NDUFS6: variants seen among roughly 807,000 people sequenced by gnomAD.
The protein encoded by NDUFS6 is NADH:ubiquinone oxidoreductase subunit S6, also known as NADH dehydrogenase [ubiquinone] iron-sulfur protein 6, mitochondrial.
NDUFS6 carries 14 observed loss-of-function variants against 13.2 expected under a neutral mutation model. The ratio of observed to expected loss-of-function variants is 1.06; its 90% CI spans 0.70 to 1.66. The LOEUF is 1.66. Ranked by LOEUF, NDUFS6 falls within the 40% of genes most tolerant of loss-of-function variation. NDUFS6 has a pLI of 0.00. For synonymous variants in NDUFS6, 95 were observed against 72.3 expected (o/e 1.31, Z -1.60); for missense variants, 206 against 170.8 (o/e 1.21, Z -1.15).
At position 1,802,361 on chromosome 5, in the gene NDUFS6, G is replaced by A. The variant is rs1484187127; in HGVS notation, c.173G>A (p.Gly58Asp). 3 of 1,614,028 alleles carry A rather than the reference G, an allele frequency of 1.9e-6. No homozygotes were observed. Among genetic ancestry groups the A allele is most frequent in the Non-Finnish European group, 2.5e-6 (3 of 1,179,956 alleles). Residue 58 changes from glycine to aspartate, a missense_variant, in exon 2 of 4, where the codon GGT becomes GAT. By Grantham distance (94) the Gly-to-Asp change is moderately conservative (BLOSUM62 -1). Transcript: ENST00000274137. ...DKDYRRIRFV[G>D]RQKEVNENFA... The stretch of plus-strand genomic sequence containing the variant: ...GACTACAGGAGAATTCGGTTTGTAG[G>A]TCGTCAGAAAGAGGTGAGTAAAAAA...
intron 2 of NDUFS6, among the ~76,000 whole-genome samples, chr5:1,804,018 C>T (rs190053919): frequency 3.3e-5 from 5 of 151,860 alleles, no homozygotes; most frequent in South Asian, 2.1e-4. Context: ...GGGGAGGGTT[C>T]GCAGGCCCTT....
At chr5:1,813,770 C>T (rs1734258702) in intron 2 of NDUFS6, among the ~76,000 whole-genome samples, 1 of 152,176 alleles carries the variant, frequency 6.6e-6, no homozygotes, top group Non-Finnish European at 1.5e-5. Context: ...AGAGAAAACA[C>T]TTAGGAACAA....
At chr5:1,811,164 A>G (rs147752293) in intron 2 of NDUFS6, among the ~76,000 whole-genome samples, 74 of 152,370 alleles carry the variant, frequency 4.9e-4, no homozygotes, top group African/African-American at 1.5e-3. Context: ...AACATGCAAA[A>G]TATATGTTAA....
At chr5:1,801,823 G>A (rs983692829) in intron 1 of NDUFS6, among the ~76,000 whole-genome samples, 2 of 152,254 alleles carry the variant, frequency 1.3e-5, no homozygotes, top group Non-Finnish European at 2.9e-5. Flanking sequence ...GCTGCCCATA[G>A]GCGATTTGTG....
intron 2 of NDUFS6, among the ~76,000 whole-genome samples, chr5:1,804,904 T>A (rs115367112): frequency 0.013 from 1,959 of 152,308 alleles, 38 homozygotes; most frequent in African/African-American, 0.043. Context: ...TGACATGTAT[T>A]CACTGTGACA....
At chr5:1,801,689 G>T in intron 1 of NDUFS6, 140 bp downstream of exon 1, 1 of 1,320,882 alleles carries the variant, frequency 7.6e-7, no homozygotes, top group Non-Finnish European at 1.0e-6. Flanking sequence ...TCGCTCACGC[G>T]CCGGGGAGGA....
chr5:1,808,581 T>C (rs1734163680), intron 2 of NDUFS6, among the ~76,000 whole-genome samples: 1 of 152,238 alleles, frequency 6.6e-6, no homozygotes, highest in Non-Finnish European at 1.5e-5. Flanking sequence ...TCCTCCCTCA[T>C]GCAGCTCCCC....
In NDUFS6 at chr5:1,815,982, G is replaced by A; in HGVS notation, c.*66G>A. ...ATTTCCGCGGGGAAGCTGAGCACGTGAAGCTCGCTGGTTCTGTGCGAAGGG... is the reference window on the plus strand; with the variant it reads ...ATTTCCGCGGGGAAGCTGAGCACGTAAAGCTCGCTGGTTCTGTGCGAAGGG... On this transcript the variant is annotated 3_prime_UTR_variant, in exon 4 of 4. Coordinates refer to ENST00000274137, the MANE Select transcript of NDUFS6 (RefSeq NM_004553.6). 1 of 1,535,308 alleles carries A rather than the reference G, an allele frequency of 6.5e-7. No homozygotes were observed.
chr5:1,813,951 T>G (rs1281400590), intron 2 of NDUFS6, among the ~76,000 whole-genome samples: 1 of 152,238 alleles, frequency 6.6e-6, no homozygotes, highest in East Asian at 1.9e-4. Context: ...GAGAATGTTC[T>G]TATGAAACGC....
chr5:1,814,611 C>A lies in NDUFS6; in HGVS notation c.309+150C>A. On this transcript the variant is annotated intron_variant, in intron 3 of 3. Coordinates refer to ENST00000274137, the MANE Select transcript of NDUFS6 (RefSeq NM_004553.6). This position sits in a 1 kb window ranked among gnomAD's most constrained non-coding sequence, Gnocchi z 4.9. ...TCACACTGCTGGCACATTCACCCTA[C>A]AGCGCCACACTACAGGGCCTACATA... 1.7e-6 allele frequency: 2 copies of A among 1,177,240 alleles called. No homozygotes were observed. The highest frequency in any genetic ancestry group is 2.5e-6 in the Non-Finnish European group (2 of 815,906). 72.9% of individuals were successfully genotyped at this position (1,177,240 alleles called of 1,614,324 possible).
At chr5:1,801,646 G>T in intron 1 of NDUFS6, 97 bp downstream of exon 1, 1 of 1,482,688 alleles carries the variant, frequency 6.7e-7, no homozygotes, top group South Asian at 1.3e-5. Flanking sequence ...CTGGTTCTGC[G>T]CCGGCAGCGC....
At chr5:1,806,729 C>T (rs142750010) in intron 2 of NDUFS6, among the ~76,000 whole-genome samples, 162 of 152,188 alleles carry the variant, frequency 1.1e-3, no homozygotes, top group Admixed American at 4.0e-3. Flanking sequence ...ATGGCACAGC[C>T]GTGAAGGAAA....
intron 2 of NDUFS6, among the ~76,000 whole-genome samples, chr5:1,806,761 A>G (rs1734129028): frequency 6.6e-6 from 1 of 152,180 alleles, no homozygotes; most frequent in Admixed American, 6.5e-5. Flanking sequence ...GTTCCTCAAA[A>G]AGTTGAAACT....
chr5:1,802,269 C>T, intron 1 of NDUFS6, 52 bp from the exon 2 acceptor site: 2 of 1,496,960 alleles, frequency 1.3e-6, no homozygotes, highest in Non-Finnish European at 1.9e-6. Context: ...TATGAAGTGA[C>T]TTTCAGAATT....
In NDUFS6 at chr5:1,802,309, G is replaced by GT. The variant is rs745391680; in HGVS notation, c.133-5dup. On this transcript the variant is annotated splice_polypyrimidine_tract_variant and intron_variant, in intron 1 of 3. Coordinates refer to ENST00000274137, the MANE Select transcript of NDUFS6 (RefSeq NM_004553.6). ...CGTAAAAGTCACACATGGTCTTTTT[G>GT]TTTTTTTCCAGGTTTATGATGATAA... The GT allele has an allele frequency of 1.1e-5, 18 of 1,613,104 alleles. No individual in the cohort carries two copies. Among genetic ancestry groups the GT allele is most frequent in the East Asian group, 2.2e-5 (1 of 44,868 alleles).
chr5:1,805,520 T>A (rs1734109610), intron 2 of NDUFS6, among the ~76,000 whole-genome samples: 1 of 152,090 alleles, frequency 6.6e-6, no homozygotes, highest in Non-Finnish European at 1.5e-5. Flanking sequence ...GGCCTGCCTG[T>A]GAGGAGACTC....
At chr5:1,811,140 T>G (rs542774949) in intron 2 of NDUFS6, among the ~76,000 whole-genome samples, 1 of 152,250 alleles carries the variant, frequency 6.6e-6, no homozygotes, top group Non-Finnish European at 1.5e-5. Flanking sequence ...AAGAATCCAA[T>G]ATATAATACT....
rs750084209 is a variant in NDUFS6, at chr5:1,814,568, A to C, written c.309+107A>C. 1 of 1,556,420 alleles carries C rather than the reference A, an allele frequency of 6.4e-7. No individual in the cohort carries two copies. Among genetic ancestry groups the C allele is most frequent in the Non-Finnish European group, 8.7e-7 (1 of 1,143,700 alleles). ...CTGTCCTCTTCTCTACCTGCTCCCGAGGCGGCCCTTACGGGGTTCACACTG... is the reference window on the plus strand; with the variant it reads ...CTGTCCTCTTCTCTACCTGCTCCCGCGGCGGCCCTTACGGGGTTCACACTG... On this transcript the variant is annotated intron_variant, in intron 3 of 3. Coordinates refer to ENST00000274137, the MANE Select transcript of NDUFS6 (RefSeq NM_004553.6). The surrounding 1 kb of genome is among the most constrained non-coding windows in gnomAD (Gnocchi z 4.9).
rs1222289586 is a variant in NDUFS6, at chr5:1,814,842, C to T, written c.309+381C>T. ...GCTGGAGGCTGCAGCCCAAGACCAC[C>T]GTGCCGCTCTGTGGGTTCCTCCTGG... On this transcript the variant is annotated intron_variant, in intron 3 of 3. Coordinates refer to ENST00000274137, the MANE Select transcript of NDUFS6 (RefSeq NM_004553.6). This position sits in a 1 kb window ranked among gnomAD's most constrained non-coding sequence, Gnocchi z 4.9. 3.2e-5 allele frequency: 20 copies of T among 619,586 alleles called. No homozygotes were observed. The highest frequency in any genetic ancestry group is 1.3e-4 in the South Asian group (7 of 53,458). The allele number at this position is 619,586 out of a possible 1,614,324, so 38.4% of individuals were successfully genotyped here.
Sources: gnomAD v4.1 joint callset for allele counts (sites outside exome capture counted in the v4.1 genomes callset) on GRCh38, gnomAD v4.1.1 for gene constraint, Gnocchi (gnomAD v3.1) non-coding constraint, MANE v1.5 for transcripts, NCBI Gene and HGNC (gene_info 2026-07-23, HGNC 2026-07-21) for gene names.